Variants in EFNA5 observed in about 807,000 individuals in gnomAD.
EFNA5 encodes ephrin-A5.
In EFNA5, 5 loss-of-function variants were observed where a neutral mutation model predicts 22.9. That is an observed-to-expected ratio of 0.22 (90% CI 0.11 to 0.46). The LOEUF (loss-of-function observed/expected upper bound fraction) is 0.46, where lower values mean the gene tolerates loss of function less well. Among genes scored for constraint, EFNA5 ranks in the 20% least tolerant of loss-of-function variants. EFNA5 has a pLI of 0.99. For synonymous variants in EFNA5, 113 were observed against 112.2 expected (o/e 1.01, Z -0.04); for missense variants, 237 against 293.3 (o/e 0.81, Z 1.40).
intron 1 of EFNA5, among the ~76,000 whole-genome samples, chr5:107,631,788 T>C (rs138028633): frequency 6.6e-6 from 1 of 152,382 alleles, no homozygotes; most frequent in Non-Finnish European, 1.5e-5. Context: ...CAGAATAGTT[T>C]ATCAAGGCTT....
chr5:107,596,727 T>A (rs1043660849), intron 1 of EFNA5, among the ~76,000 whole-genome samples: 2 of 152,110 alleles, frequency 1.3e-5, no homozygotes, highest in Non-Finnish European at 2.9e-5. Context: ...AGGAGGTAGA[T>A]GGAATTAGCA....
chr5:107,381,264 C>G lies in EFNA5; in HGVS notation c.678G>C (p.Leu226Phe). 1 of 1,613,778 alleles carries G rather than the reference C, an allele frequency of 6.2e-7. No homozygotes were observed. Among genetic ancestry groups the G allele is most frequent in the Non-Finnish European group, 8.5e-7 (1 of 1,179,752 alleles). ...ATGGGAGGAGACTGTGCTATAATGT[C>G]AAAAGCATCGCCAGGAGGAACAGTA... ...AILLFLLAML[L>F]TL Residue 226 changes from leucine (L) to phenylalanine (F), a missense_variant, in exon 5 of 5, where the codon TTG becomes TTC. Physicochemically the swap from Leu to Phe is conservative, Grantham distance 22. Coordinates refer to ENST00000333274, the MANE Select transcript of EFNA5 (RefSeq NM_001962.3).
intron 1 of EFNA5, among the ~76,000 whole-genome samples, chr5:107,568,678 T>C (rs1479862653): frequency 2.0e-5 from 3 of 152,202 alleles, no homozygotes; most frequent in Admixed American, 2.0e-4. Context: ...ATACAAATAA[T>C]TGTGGAACAT....
At chr5:107,489,890 G>A (rs2112411970) in intron 1 of EFNA5, among the ~76,000 whole-genome samples, 1 of 152,226 alleles carries the variant, frequency 6.6e-6, no homozygotes, top group Admixed American at 6.5e-5. Context: ...AGATAAGAGG[G>A]GACCTGGCTG....
chr5:107,655,051 G>A (rs904181862), intron 1 of EFNA5, among the ~76,000 whole-genome samples: 16 of 151,440 alleles, frequency 1.1e-4, no homozygotes, highest in African/African-American at 3.4e-4. Context: ...CTAAGATGCA[G>A]TCTTTGGCTG....
intron 1 of EFNA5, among the ~76,000 whole-genome samples, chr5:107,549,839 C>A (rs779977586): frequency 2.0e-5 from 3 of 152,256 alleles, no homozygotes; most frequent in Non-Finnish European, 4.4e-5. Context: ...CCTTCCCAGG[C>A]CTCCTATGCT....
At chr5:107,556,806 C>A (rs1481725687) in intron 1 of EFNA5, among the ~76,000 whole-genome samples, 2 of 113,716 alleles carry the variant, frequency 1.8e-5, no homozygotes, top group Admixed American at 8.4e-5. Flanking sequence ...AAATAAATAA[C>A]TATCTCAAAT....
At position 107,446,537 on chromosome 5, in the gene EFNA5, C is replaced by G. The variant is rs113784403; in HGVS notation, c.126-19028G>C. Among the ~76,000 whole-genome samples, 22 of 152,118 alleles carry G rather than the reference C, an allele frequency of 1.4e-4. 1 individual carries two copies. The highest frequency in any genetic ancestry group is 4.3e-4 in the African/African-American group (18 of 41,504). On this transcript the variant is annotated intron_variant, in intron 1 of 4. Coordinates refer to ENST00000333274, the MANE Select transcript of EFNA5 (RefSeq NM_001962.3). ...GGCTGAGGCAGGCAGATCACGAGAT[C>G]AGGAGATCGAGACCAGACCATCCTG... is the stretch of plus-strand genomic sequence containing the variant.
At chr5:107,620,822 T>C (rs1450236329) in intron 1 of EFNA5, among the ~76,000 whole-genome samples, 1 of 152,178 alleles carries the variant, frequency 6.6e-6, no homozygotes, top group Non-Finnish European at 1.5e-5. Context: ...ACTACGATAA[T>C]GGAGTTTTAT....
chr5:107,574,848 T>C (rs1748894250), intron 1 of EFNA5, among the ~76,000 whole-genome samples: 1 of 152,204 alleles, frequency 6.6e-6, no homozygotes, highest in South Asian at 2.1e-4. Flanking sequence ...TTGACGGGGC[T>C]TAAGATAAGG....
intron 1 of EFNA5, among the ~76,000 whole-genome samples, chr5:107,550,091 G>T (rs1283652332): frequency 3.3e-5 from 5 of 152,164 alleles, no homozygotes; most frequent in Admixed American, 3.3e-4. Context: ...AAAGAAAACT[G>T]TAAAATAGCT....
chr5:107,450,736 TTTAGAATTCTAAAATTA>T (rs1749538738), intron 1 of EFNA5, among the ~76,000 whole-genome samples: 1 of 152,192 alleles, frequency 6.6e-6, no homozygotes, highest in South Asian at 2.1e-4. Flanking sequence ...GCTGGGGGTG[TTTAGAATTCTAAAATTA>T]TATGGTATTG....
At chr5:107,636,869 A>C (rs1183498464) in intron 1 of EFNA5, among the ~76,000 whole-genome samples, 1 of 152,224 alleles carries the variant, frequency 6.6e-6, no homozygotes. Context: ...ATAATCTGTA[A>C]ACCATTAGAA....
chr5:107,500,139 A>G (rs558298440), intron 1 of EFNA5, among the ~76,000 whole-genome samples: 5 of 152,196 alleles, frequency 3.3e-5, no homozygotes, highest in Non-Finnish European at 5.9e-5. Flanking sequence ...GGATAGTGTC[A>G]AAGCAGAACC....
At chr5:107,588,711 T>C (rs1242854901) in intron 1 of EFNA5, among the ~76,000 whole-genome samples, 2 of 152,166 alleles carry the variant, frequency 1.3e-5, no homozygotes, top group Admixed American at 6.5e-5. Flanking sequence ...CAACTGTTAG[T>C]GCCCAGGAGA....
chr5:107,628,431 A>C (rs1750183034), intron 1 of EFNA5, among the ~76,000 whole-genome samples: 1 of 152,196 alleles, frequency 6.6e-6, no homozygotes, highest in Non-Finnish European at 1.5e-5. Context: ...ACTCAAAACA[A>C]AAAGTACCTA....
intron 1 of EFNA5, among the ~76,000 whole-genome samples, chr5:107,621,602 C>A (rs539633455): frequency 2.6e-5 from 4 of 152,250 alleles, no homozygotes; most frequent in South Asian, 2.1e-4. Context: ...GGCTCCACCC[C>A]CCTGAGGCAG....
chr5:107,580,420 C>A (rs1749017261), intron 1 of EFNA5, among the ~76,000 whole-genome samples: 1 of 152,050 alleles, frequency 6.6e-6, no homozygotes, highest in East Asian at 1.9e-4. Context: ...TGAGCAACTG[C>A]ACAGCACAAT....
At chr5:107,629,387 G>A (rs186503227) in intron 1 of EFNA5, among the ~76,000 whole-genome samples, 3 of 152,100 alleles carry the variant, frequency 2.0e-5, no homozygotes, top group South Asian at 2.1e-4. Flanking sequence ...TGCATTTTGG[G>A]GGCAATCAAG....
Sources: gnomAD v4.1 joint callset for allele counts (sites outside exome capture counted in the v4.1 genomes callset) on GRCh38, gnomAD v4.1.1 for gene constraint, MANE v1.5 for transcripts, NCBI Gene and HGNC (gene_info 2026-07-23, HGNC 2026-07-21) for gene names.